Variants in HPSE2 observed in about 807,000 individuals in gnomAD.
HPSE2 encodes the protein inactive heparanase-2.
HPSE2 carries 38 observed loss-of-function variants against 60.5 expected under a neutral mutation model. That is an observed-to-expected ratio of 0.63 (90% CI 0.48 to 0.82). The LOEUF (loss-of-function observed/expected upper bound fraction) is 0.82. HPSE2 is among the 40% of genes least tolerant of loss of function. The pLI, the probability that HPSE2 is intolerant of heterozygous loss-of-function variation, is 0.00. For missense variants in HPSE2, 713 were observed against 740.4 expected, an observed-to-expected ratio of 0.96 and a Z score of 0.43; for synonymous variants, 295 against 293.2, an observed-to-expected ratio of 1.01 and a Z score of -0.06.
chr10:98,967,707 T>C (rs1206975570), intron 3 of HPSE2, among the ~76,000 whole-genome samples: 1 of 152,124 alleles, frequency 6.6e-6, no homozygotes, highest in Admixed American at 6.5e-5. Flanking sequence ...AATAATGAAC[T>C]GGTAAAGCAA....
Position 99,217,775 on chromosome 10 carries a change from G to A in HPSE2, c.448+14573C>T, listed in dbSNP as rs180776835. Among the ~76,000 whole-genome samples the A allele has an allele frequency of 4.5e-3, 677 of 152,100 alleles. 7 individuals carry two copies. The highest frequency in any genetic ancestry group is 6.4e-3 in the Non-Finnish European group (432 of 67,988). On this transcript the variant is annotated intron_variant, in intron 2 of 11. Coordinates refer to ENST00000370552, the MANE Select transcript of HPSE2 (RefSeq NM_021828.5). ...AGCTAACTTTTTATTTTGTAGAGAC[G>A]GGGTCCCCCTATGTTGCCTAGGCTG...
chr10:98,745,192 G>T (rs1047781611), intron 3 of HPSE2, among the ~76,000 whole-genome samples: 2 of 152,050 alleles, frequency 1.3e-5, no homozygotes, highest in African/African-American at 2.4e-5. Flanking sequence ...ACAGAGTGAG[G>T]CTCCGTCTCA....
At chr10:98,731,383 A>C (rs1389249820) in intron 4 of HPSE2, among the ~76,000 whole-genome samples, 2 of 152,230 alleles carry the variant, frequency 1.3e-5, no homozygotes, top group South Asian at 2.1e-4. Flanking sequence ...TTTACAAAGT[A>C]AGTCCAGCAA....
intron 3 of HPSE2, among the ~76,000 whole-genome samples, chr10:98,744,942 C>G (rs1949591389): frequency 6.6e-6 from 1 of 152,220 alleles, no homozygotes; most frequent in African/African-American, 2.4e-5. Flanking sequence ...GTGGCTCACG[C>G]CTGTAATTCC....
At chr10:99,005,079 C>T (rs1202480743) in intron 3 of HPSE2, among the ~76,000 whole-genome samples, 4 of 152,090 alleles carry the variant, frequency 2.6e-5, no homozygotes, top group African/African-American at 9.7e-5. Context: ...AGGATCTTCT[C>T]TTTGTCTTTG....
Position 98,762,717 on chromosome 10 carries a change from A to T in HPSE2, c.611-18661T>A, listed in dbSNP as rs892000578. Among the ~76,000 whole-genome samples, 5 of 3,908 alleles carry T rather than the reference A, an allele frequency of 1.3e-3. No individual in the cohort carries two copies. The African/African-American group carries it at 0.025, about 20-fold the overall frequency. 2.6% of individuals were successfully genotyped at this position (3,908 alleles called of 152,430 possible). On this transcript the variant is annotated intron_variant, in intron 3 of 11. Transcript: ENST00000370552. Reference sequence around the variant, plus strand: ...TAACCACATTGATCCCATACTTTTAAAAAAAAATGGGACACAGGTTCTGAC... The same window carrying T: ...TAACCACATTGATCCCATACTTTTATAAAAAAATGGGACACAGGTTCTGAC...
Position 98,645,753 on chromosome 10 carries a change from C to T in HPSE2, c.1005-3813G>A, listed in dbSNP as rs540998853. On this transcript the variant is annotated intron_variant, in intron 6 of 11. Transcript: ENST00000370552. The stretch of plus-strand genomic sequence containing the variant: ...CAGCACTTTGGGAGGCTGAGGCGGG[C>T]GGATCATGAGGTCAGGAGATCAAGA... 4.5e-4 allele frequency among the ~76,000 whole-genome samples: 68 copies of T among 151,954 alleles called. No individual in the cohort carries two copies. The East Asian group carries it at 0.012, about 27-fold the overall frequency.
At chr10:98,933,503 A>G (rs1954699284) in intron 3 of HPSE2, among the ~76,000 whole-genome samples, 1 of 143,612 alleles carries the variant, frequency 7.0e-6, no homozygotes, top group Non-Finnish European at 1.5e-5. Flanking sequence ...AGTCCTGGAT[A>G]TCTTTGTTAA....
chr10:98,782,957 T>C (rs1194595329), intron 3 of HPSE2, among the ~76,000 whole-genome samples: 52 of 136,202 alleles, frequency 3.8e-4, no homozygotes, highest in Non-Finnish European at 7.2e-4. Flanking sequence ...TTTTTTATTA[T>C]ACTCTAAGTT....
intron 3 of HPSE2, among the ~76,000 whole-genome samples, chr10:99,092,419 A>G (rs1360934559): frequency 2.0e-5 from 3 of 152,212 alleles, no homozygotes; most frequent in African/African-American, 7.2e-5. Flanking sequence ...ACTGTGGTCT[A>G]ATGTGTTCAG....
intron 6 of HPSE2, among the ~76,000 whole-genome samples, chr10:98,669,952 C>A (rs1947463664): frequency 6.6e-6 from 1 of 152,068 alleles, no homozygotes; most frequent in Non-Finnish European, 1.5e-5. Flanking sequence ...TGCTCTTTTA[C>A]AAAAGGAGGC....
At chr10:98,742,840 G>A (rs1347722846) in intron 4 of HPSE2, among the ~76,000 whole-genome samples, 2 of 150,852 alleles carry the variant, frequency 1.3e-5, no homozygotes, top group African/African-American at 4.9e-5. Context: ...AACAGGACTG[G>A]CTACATAATT....
At chr10:98,503,297 A>G (rs1591280777) in intron 9 of HPSE2, among the ~76,000 whole-genome samples, 1 of 152,196 alleles carries the variant, frequency 6.6e-6, no homozygotes, top group East Asian at 1.9e-4. Flanking sequence ...GGAAATGCAA[A>G]TCGAAACCAC....
At chr10:98,878,185 C>T (rs577382082) in intron 3 of HPSE2, among the ~76,000 whole-genome samples, 55 of 152,026 alleles carry the variant, frequency 3.6e-4, no homozygotes, top group Non-Finnish European at 5.4e-4. Context: ...AAAAGAAAAA[C>T]AAACTTCTCC....
intron 3 of HPSE2, among the ~76,000 whole-genome samples, chr10:98,797,055 A>T (rs1950793965): frequency 6.6e-6 from 1 of 152,162 alleles, no homozygotes; most frequent in African/African-American, 2.4e-5. Flanking sequence ...ACTATAATAA[A>T]TACCCAATTA....
At chr10:99,046,382 A>G (rs914427607) in intron 3 of HPSE2, among the ~76,000 whole-genome samples, 11 of 152,092 alleles carry the variant, frequency 7.2e-5, no homozygotes, top group Non-Finnish European at 2.9e-5. Flanking sequence ...CATACTGAAA[A>G]GGCAAAAACT....
intron 3 of HPSE2, among the ~76,000 whole-genome samples, chr10:98,925,364 C>T (rs1280285278): frequency 2.0e-5 from 3 of 147,466 alleles, no homozygotes; most frequent in Non-Finnish European, 3.0e-5. Flanking sequence ...TTTTAATTGG[C>T]TTTTTTTTTT....
chr10:98,851,470 C>T (rs527578058), intron 3 of HPSE2, among the ~76,000 whole-genome samples: 1 of 152,216 alleles, frequency 6.6e-6, no homozygotes, highest in Non-Finnish European at 1.5e-5. Context: ...TAACCAACAC[C>T]TGCTTCTCCT....
At chr10:98,524,822 T>C (rs1372378870) in intron 9 of HPSE2, among the ~76,000 whole-genome samples, 3 of 152,206 alleles carry the variant, frequency 2.0e-5, no homozygotes, top group African/African-American at 7.2e-5. Context: ...TAACAAATGC[T>C]CTTATGTTAT....
Sources: allele counts gnomAD v4.1 joint callset (sites outside exome capture counted in the v4.1 genomes callset), GRCh38; gene constraint gnomAD v4.1.1; transcripts MANE v1.5; gene names NCBI Gene and HGNC (gene_info 2026-07-23, HGNC 2026-07-21).